FAM107B: variants seen among roughly 807,000 people sequenced by gnomAD.
FAM107B encodes family with sequence similarity 107 member B.
A neutral mutation model predicts 31.5 loss-of-function variants in FAM107B; 21 were observed. The observed-to-expected ratio is 0.67, with a 90% CI of 0.47 to 0.96. The LOEUF (loss-of-function observed/expected upper bound fraction) is 0.96. FAM107B is among the 40% of genes least tolerant of loss of function. The pLI, the probability that FAM107B is intolerant of heterozygous loss-of-function variation, is 0.00. For synonymous variants in FAM107B, 157 were observed against 141.5 expected, an observed-to-expected ratio of 1.11 and a Z score of -0.78; for missense variants, 452 against 377.1, an observed-to-expected ratio of 1.20 and a Z score of -1.64.
At chr10:14,694,020 G>A (rs1279886761) in intron 1 of FAM107B, among the ~76,000 whole-genome samples, 2 of 152,162 alleles carry the variant, frequency 1.3e-5, no homozygotes, top group African/African-American at 4.8e-5. Context: ...TGCTCTCCGG[G>A]TTCATCTGTG....
intron 1 of FAM107B, among the ~76,000 whole-genome samples, chr10:14,713,320 A>C (rs2688827): frequency 0.5 from 76,471 of 152,018 alleles, 19,739 homozygotes; most frequent in African/African-American, 0.6. Flanking sequence ...ACATTCTGAA[A>C]ATATTTGACA....
intron 1 of FAM107B, among the ~76,000 whole-genome samples, chr10:14,704,948 C>T (rs756361844): frequency 7.0e-6 from 1 of 142,656 alleles, no homozygotes; most frequent in Non-Finnish European, 1.5e-5. Context: ...CACTTGAACC[C>T]GGGAGGCAGA....
intron 2 of FAM107B, chr10:14,572,282 C>A (rs10796203): frequency 0.71 from 696,699 of 985,190 alleles, 246,982 homozygotes; most frequent in East Asian, 0.86. Context: ...CTTGTCTGTA[C>A]AAAAATCAGC....
At chr10:14,602,220 A>T (rs1468982040) in intron 2 of FAM107B, among the ~76,000 whole-genome samples, 1 of 152,172 alleles carries the variant, frequency 6.6e-6, no homozygotes, top group Non-Finnish European at 1.5e-5. Flanking sequence ...TGTGCAGATT[A>T]AAGCGCCCCG....
At chr10:14,772,083 T>C (rs539848593) in intron 1 of FAM107B, among the ~76,000 whole-genome samples, 2 of 152,198 alleles carry the variant, frequency 1.3e-5, no homozygotes, top group South Asian at 4.1e-4. Flanking sequence ...TGGCCGGGCA[T>C]GGTGGCTCAC....
At chr10:14,539,130 C>T (rs148521489) in intron 2 of FAM107B, among the ~76,000 whole-genome samples, 104 of 152,324 alleles carry the variant, frequency 6.8e-4, no homozygotes, top group South Asian at 5.8e-3. Context: ...AGTGAATGAC[C>T]GTATACCGCA....
At chr10:14,584,598 C>T (rs1851762634) in intron 2 of FAM107B, among the ~76,000 whole-genome samples, 1 of 152,222 alleles carries the variant, frequency 6.6e-6, no homozygotes, top group South Asian at 2.1e-4. Flanking sequence ...ACCAGGAACA[C>T]ACGTGCAGTG....
chr10:14,699,203 C>T lies in FAM107B; in HGVS notation c.412-31512G>A, dbSNP rs534668103. On this transcript the variant is annotated intron_variant, in intron 1 of 4. Transcript: ENST00000181796. ...GTATGGACCATGCTGTATTAAACAG[C>T]GTTCCCCCAGAGGAATAGAACAAAG... Among the ~76,000 whole-genome samples, 7 of 152,112 alleles carry T rather than the reference C, an allele frequency of 4.6e-5. No homozygotes were observed. The South Asian group carries it at 6.2e-4, about 13-fold the overall frequency.
intron 2 of FAM107B, among the ~76,000 whole-genome samples, chr10:14,549,625 G>A (rs1463338229): frequency 2.0e-5 from 3 of 152,110 alleles, no homozygotes; most frequent in African/African-American, 4.8e-5. Flanking sequence ...GTTCCAGGAC[G>A]CCAAGCCTTG....
chr10:14,587,885 T>C (rs1851894659), intron 2 of FAM107B, among the ~76,000 whole-genome samples: 1 of 152,098 alleles, frequency 6.6e-6, no homozygotes, highest in Non-Finnish European at 1.5e-5. Context: ...ATCAGAGGGT[T>C]AGGTGTTCTC....
At chr10:14,535,914 T>C (rs1460303002) in intron 2 of FAM107B, among the ~76,000 whole-genome samples, 2 of 152,210 alleles carry the variant, frequency 1.3e-5, no homozygotes, top group Non-Finnish European at 2.9e-5. Flanking sequence ...TTTGAGTCCT[T>C]GCTTTTCATG....
intron 1 of FAM107B, among the ~76,000 whole-genome samples, chr10:14,732,845 T>C (rs945820639): frequency 3.4e-5 from 5 of 147,032 alleles, no homozygotes; most frequent in Non-Finnish European, 7.5e-5. Flanking sequence ...TAATACATTA[T>C]AGAATACATT....
intron 2 of FAM107B, among the ~76,000 whole-genome samples, chr10:14,573,959 T>TTTCTGCTCC (rs58732449): frequency 0.78 from 117,603 of 151,156 alleles, 46,122 homozygotes; most frequent in Middle Eastern, 0.86. Context: ...TTATCTGCTC[T>TTTCTGCTCC]TTCTCTCATA....
At chr10:14,761,661 G>A (rs1211320478) in intron 1 of FAM107B, among the ~76,000 whole-genome samples, 1 of 151,944 alleles carries the variant, frequency 6.6e-6, no homozygotes, top group Non-Finnish European at 1.5e-5. Context: ...GTGCAGTGGT[G>A]CGATCTCAGC....
chr10:14,718,328 G>A (rs947981181), intron 1 of FAM107B, among the ~76,000 whole-genome samples: 7 of 150,926 alleles, frequency 4.6e-5, no homozygotes, highest in Admixed American at 2.0e-4. Flanking sequence ...GCAACAGAGC[G>A]AGACTCAAGA....
intron 1 of FAM107B, among the ~76,000 whole-genome samples, chr10:14,705,914 A>T (rs2131530537): frequency 6.6e-6 from 1 of 152,318 alleles, no homozygotes; most frequent in African/African-American, 2.4e-5. Flanking sequence ...TTACCTACAG[A>T]TCAAGGTTTC....
chr10:14,604,837 CTCTT>C (rs1272417366), intron 2 of FAM107B, among the ~76,000 whole-genome samples: 1 of 150,878 alleles, frequency 6.6e-6, no homozygotes, highest in African/African-American at 2.4e-5. Context: ...CTCATTGTCT[CTCTT>C]TCTCTCATTC....
intron 2 of FAM107B, among the ~76,000 whole-genome samples, chr10:14,639,144 T>C (rs1018497214): frequency 6.6e-6 from 1 of 152,092 alleles, no homozygotes; most frequent in African/African-American, 2.4e-5. Context: ...CAGTGAGCAG[T>C]GATGGCACCA....
intron 2 of FAM107B, among the ~76,000 whole-genome samples, chr10:14,620,307 G>A (rs1003505152): frequency 5.3e-5 from 8 of 152,032 alleles, no homozygotes; most frequent in African/African-American, 1.2e-4. Flanking sequence ...ATGAGCCACC[G>A]CGCTTGGCCT....
Sources: allele counts gnomAD v4.1 joint callset (sites outside exome capture counted in the v4.1 genomes callset), GRCh38; gene constraint gnomAD v4.1.1; transcripts MANE v1.5; gene names NCBI Gene and HGNC (gene_info 2026-07-23, HGNC 2026-07-21).